MLLT10: variants seen among roughly 807,000 people sequenced by gnomAD.
MLLT10 encodes the protein protein AF-10.
MLLT10 carries 30 observed loss-of-function variants against 129.1 expected under a neutral mutation model. That is an observed-to-expected ratio of 0.23 (90% confidence interval 0.17 to 0.32). The LOEUF is 0.32. MLLT10 is among the 10% of genes least tolerant of loss of function. MLLT10 has a pLI of 1.00. For synonymous variants in MLLT10, 490 were observed against 446.4 expected, an observed-to-expected ratio of 1.10 and a Z score of -1.23; for missense variants, 1,119 against 1,268.3, an observed-to-expected ratio of 0.88 and a Z score of 1.79.
intron 14 of MLLT10, among the ~76,000 whole-genome samples, chr10:21,719,297 A>G (rs2056969796): frequency 6.6e-6 from 1 of 152,208 alleles, no homozygotes; most frequent in Non-Finnish European, 1.5e-5. Context: ...ATTAGTCAGA[A>G]TGTAAATTTC....
intron 8 of MLLT10, among the ~76,000 whole-genome samples, chr10:21,644,745 C>T (rs1384213887): frequency 1.3e-5 from 2 of 152,044 alleles, no homozygotes; most frequent in African/African-American, 2.4e-5. Flanking sequence ...GGGTCCTCCG[C>T]CTCAACCTCC....
intron 3 of MLLT10, chr10:21,557,936 C>CTTTTTTTTTTT (rs67489331): frequency 7.9e-6 from 1 of 126,654 alleles, no homozygotes; most frequent in Non-Finnish European, 1.6e-5. Flanking sequence ...TATTATTTTT[C>CTTTTTTTTTTT]TTTTTTTTTT....
chr10:21,544,532 C>T, intron 3 of MLLT10, among the ~76,000 whole-genome samples: 1 of 152,050 alleles, frequency 6.6e-6, no homozygotes, highest in East Asian at 1.9e-4. Flanking sequence ...AGTAAAGGAG[C>T]ATTTTCAGAA....
chr10:21,704,329 TTCTCTCTCTCTC>T (rs1198146694), intron 13 of MLLT10, among the ~76,000 whole-genome samples: 2 of 121,116 alleles, frequency 1.7e-5, no homozygotes, highest in African/African-American at 3.2e-5. Flanking sequence ...TCTTTTTAAA[TTCTCTCTCTCTC>T]TCTCTCTCTC....
chr10:21,643,705 C>G (rs1469813925), intron 8 of MLLT10, among the ~76,000 whole-genome samples: 1 of 152,128 alleles, frequency 6.6e-6, no homozygotes, highest in Non-Finnish European at 1.5e-5. Context: ...AACGACACCT[C>G]CCTCTCCCTG....
intron 8 of MLLT10, among the ~76,000 whole-genome samples, chr10:21,640,206 A>G (rs2047854538): frequency 1.4e-5 from 2 of 142,950 alleles, no homozygotes; most frequent in South Asian, 4.3e-4. Flanking sequence ...ATATTTATAT[A>G]TTATATTATA....
intron 11 of MLLT10, among the ~76,000 whole-genome samples, chr10:21,676,286 G>T (rs1485402602): frequency 6.6e-6 from 1 of 151,878 alleles, no homozygotes; most frequent in Non-Finnish European, 1.5e-5. Flanking sequence ...GCATGGTGGC[G>T]GGTGCCTGTA....
At chr10:21,666,368 A>G (rs1203293336) in intron 9 of MLLT10, among the ~76,000 whole-genome samples, 1 of 152,062 alleles carries the variant, frequency 6.6e-6, no homozygotes, top group Non-Finnish European at 1.5e-5. Flanking sequence ...TCTGTCTTGT[A>G]AAGAGTTTAA....
At chr10:21,694,981 A>G (rs1291299041) in intron 13 of MLLT10, among the ~76,000 whole-genome samples, 1 of 151,354 alleles carries the variant, frequency 6.6e-6, no homozygotes, top group East Asian at 1.9e-4. Flanking sequence ...TCCTTCTCAC[A>G]CTTAGAATCT....
At chr10:21,638,130 C>G (rs2047630446) in intron 8 of MLLT10, among the ~76,000 whole-genome samples, 1 of 151,408 alleles carries the variant, frequency 6.6e-6, no homozygotes, top group Non-Finnish European at 1.5e-5. Context: ...ACCTTTTGCA[C>G]TTATGGATGG....
intron 5 of MLLT10, among the ~76,000 whole-genome samples, chr10:21,604,275 T>G (rs2131164647): frequency 6.6e-6 from 1 of 152,292 alleles, no homozygotes; most frequent in African/African-American, 2.4e-5. Context: ...GGCGATGGAT[T>G]AAGACTTTGG....
intron 13 of MLLT10, among the ~76,000 whole-genome samples, chr10:21,695,225 A>C (rs2131450514): frequency 6.6e-6 from 1 of 152,076 alleles, no homozygotes; most frequent in East Asian, 1.9e-4. Flanking sequence ...GTGTGTCATC[A>C]CAGGCGTTTC....
chr10:21,543,044 C>T (rs994743861), intron 3 of MLLT10, among the ~76,000 whole-genome samples: 12 of 152,026 alleles, frequency 7.9e-5, no homozygotes, highest in East Asian at 1.9e-4. Context: ...CTGCAGCATC[C>T]GCCTCCCGGG....
chr10:21,708,997 T>G (rs1233449267), intron 13 of MLLT10, among the ~76,000 whole-genome samples: 2 of 152,198 alleles, frequency 1.3e-5, no homozygotes, highest in Non-Finnish European at 2.9e-5. Flanking sequence ...CCATTATCTT[T>G]GTTTTATAGA....
At chr10:21,558,286 C>CT (rs2038329064) in intron 3 of MLLT10, among the ~76,000 whole-genome samples, 1 of 151,504 alleles carries the variant, frequency 6.6e-6, no homozygotes, top group African/African-American at 2.4e-5. Context: ...AATACTTGTC[C>CT]TTTATTGTAG....
chr10:21,635,269 C>G (rs1350302189), intron 8 of MLLT10, among the ~76,000 whole-genome samples: 1 of 152,202 alleles, frequency 6.6e-6, no homozygotes, highest in Non-Finnish European at 1.5e-5. Flanking sequence ...GGCCTTGTAA[C>G]TCTTTTCCTT....
intron 13 of MLLT10, among the ~76,000 whole-genome samples, chr10:21,700,886 T>G (rs1402216782): frequency 6.6e-6 from 1 of 152,182 alleles, no homozygotes; most frequent in Non-Finnish European, 1.5e-5. Flanking sequence ...ATTTTTGGAA[T>G]AGTTTGAAGA....
intron 3 of MLLT10, among the ~76,000 whole-genome samples, chr10:21,572,542 T>C (rs957517547): frequency 6.6e-6 from 1 of 152,178 alleles, no homozygotes; most frequent in African/African-American, 2.4e-5. Context: ...TTTATTTAGG[T>C]CTTTTTTGCT....
intron 4 of MLLT10, among the ~76,000 whole-genome samples, chr10:21,593,209 C>G (rs2042682474): frequency 6.6e-6 from 1 of 152,018 alleles, no homozygotes; most frequent in South Asian, 2.1e-4. Context: ...CTCCTCCCAC[C>G]TCAACCTCCT....
Sources: allele counts gnomAD v4.1 joint callset (sites outside exome capture counted in the v4.1 genomes callset), GRCh38; gene constraint gnomAD v4.1.1; transcripts MANE v1.5; gene names NCBI Gene and HGNC (gene_info 2026-07-23, HGNC 2026-07-21).